PADI6: variants seen among roughly 807,000 people sequenced by gnomAD.
PADI6 encodes the protein peptidyl arginine deiminase 6, also known as inactive protein-arginine deiminase type-6.
PADI6 carries 66 observed loss-of-function variants against 78.2 expected under a neutral mutation model. The observed-to-expected ratio is 0.84, with a 90% CI of 0.69 to 1.04. PADI6 has a LOEUF of 1.04. Among genes scored for constraint, PADI6 ranks in the 50% least tolerant of loss-of-function variants. PADI6 has a pLI of 0.00. For missense variants in PADI6, 854 were observed against 866.1 expected (o/e 0.99, Z 0.18); for synonymous variants, 397 against 346.9 (o/e 1.14, Z -1.60).
At chr1:17,378,643 C>T (rs115169962) in intron 3 of PADI6, among the ~76,000 whole-genome samples, 2,420 of 152,232 alleles carry the variant, frequency 0.016, 72 homozygotes, top group African/African-American at 0.055. Context: ...ATTACTCTGT[C>T]ACCCAGGCTG....
chr1:17,373,260 G>A (rs376699786), intron 2 of PADI6, 27 bp downstream of exon 2: 6 of 1,609,338 alleles, frequency 3.7e-6, no homozygotes, highest in Non-Finnish European at 5.1e-6. Flanking sequence ...GAGGTGAGGG[G>A]CATCTCCCGG....
At chr1:17,392,846 G>T (rs1396024971) in intron 9 of PADI6, among the ~76,000 whole-genome samples, 1 of 152,124 alleles carries the variant, frequency 6.6e-6, no homozygotes, top group Non-Finnish European at 1.5e-5. Flanking sequence ...TTGGGGCAGG[G>T]GTGGCCAGGA....
rs576049284 is a variant in PADI6, at chr1:17,379,253, ACAGG to A, written c.368-665_368-662del. Among the ~76,000 whole-genome samples the A allele has an allele frequency of 6.2e-3, 919 of 148,570 alleles. 50 individuals are homozygous for A. Among genetic ancestry groups the A allele is most frequent in the African/African-American group, 0.022 (839 of 38,536 alleles). ...CTCAGCCTCCCGAGAAGCTGGGACT[ACAGG>A]CGCCCGCCACCTCGCCCGGCTAATT... On this transcript the variant is annotated intron_variant, in intron 3 of 15. Coordinates refer to ENST00000619609, the MANE Select transcript of PADI6 (RefSeq NM_207421.4).
At chr1:17,378,814 A>G (rs756317738) in intron 3 of PADI6, among the ~76,000 whole-genome samples, 5 of 152,162 alleles carry the variant, frequency 3.3e-5, no homozygotes, top group African/African-American at 4.8e-5. Context: ...CATGTTGCTC[A>G]GTCTGGTCTT....
Position 17,401,647 on chromosome 1 carries a change from C to T in PADI6, c.*209C>T, listed in dbSNP as rs1239443845. The T allele has an allele frequency of 3.4e-6, 2 of 579,988 alleles. No homozygotes were observed. The highest frequency in any genetic ancestry group is 6.1e-6 in the Non-Finnish European group (2 of 326,906). The allele number at this position is 579,988 out of a possible 1,614,324, so 35.9% of individuals were successfully genotyped here. ...TATGGGGAAAAGATGCAAAAGTGTT[C>T]AGCCAAGTGACGTTTACTAAATAGC... is the stretch of plus-strand genomic sequence containing the variant. On this transcript the variant is annotated 3_prime_UTR_variant, in exon 16 of 16. Coordinates refer to ENST00000619609, the MANE Select transcript of PADI6 (RefSeq NM_207421.4).
chr1:17,388,520 C>G lies in PADI6; in HGVS notation c.819C>G (p.Ile273Met), dbSNP rs200922673. The G allele has an allele frequency of 9.1e-4, 1,470 of 1,613,324 alleles. 2 individuals are homozygous for G. The highest frequency in any genetic ancestry group is 1.1e-3 in the Non-Finnish European group (1,321 of 1,179,332). Residue 273 changes from isoleucine (I) to methionine (M), a missense_variant, in exon 7 of 16, where the codon ATC (isoleucine) becomes ATG (methionine). By Grantham distance (10) the Ile-to-Met change is conservative. Transcript: ENST00000619609. ...AFPSAEFSGL[I>M]SYSVSLVEES... Reference sequence around the variant, plus strand: ...CATCTGCCGAATTCTCAGGCCTCATCTCCTACTCTGTGTCCCTGGTGGAGG... The same window carrying G: ...CATCTGCCGAATTCTCAGGCCTCATGTCCTACTCTGTGTCCCTGGTGGAGG...
chr1:17,391,658 T>C (rs1194958845), intron 8 of PADI6, among the ~76,000 whole-genome samples: 2 of 152,096 alleles, frequency 1.3e-5, no homozygotes, highest in South Asian at 2.1e-4. Flanking sequence ...ACGCCACACA[T>C]ATAAAAATGA....
intron 14 of PADI6, 130 bp from the exon 15 acceptor site, chr1:17,398,556 C>T: frequency 1.6e-6 from 1 of 610,334 alleles, no homozygotes; most frequent in South Asian, 2.0e-5. Flanking sequence ...TCCTGGCACA[C>T]AGCAAGTGAT....
At chr1:17,396,103 G>GGGCTGGGCATGGTGGCTCACACC in intron 13 of PADI6, among the ~76,000 whole-genome samples, 1 of 152,134 alleles carries the variant, frequency 6.6e-6, no homozygotes, top group East Asian at 1.9e-4. Context: ...CTGTGGGAGT[G>GGGCTGGGCATGGTGGCTCACACC]GGCTGGGCAT....
At chr1:17,391,905 A>C (rs1287283093) in intron 8 of PADI6, among the ~76,000 whole-genome samples, 2 of 152,246 alleles carry the variant, frequency 1.3e-5, no homozygotes, top group African/African-American at 4.8e-5. Flanking sequence ...TGGCTCTGCC[A>C]TGGGCAAAGC....
At chr1:17,399,057 G>A (rs1301591119) in intron 15 of PADI6, among the ~76,000 whole-genome samples, 1 of 152,154 alleles carries the variant, frequency 6.6e-6, no homozygotes, top group East Asian at 1.9e-4. Context: ...AGGTTCCCCA[G>A]GCAGTTACTA....
chr1:17,389,807 G>A lies in PADI6; in HGVS notation c.962+927G>A, dbSNP rs111590625. ...GACACAGCATGGCTCAAGCCAGGGT[G>A]GCAGGAGCAGCCTTTAGTTGGGATT... On this transcript the variant is annotated intron_variant, in intron 8 of 15. Transcript: ENST00000619609. 2.2e-4 allele frequency among the ~76,000 whole-genome samples: 33 copies of A among 152,344 alleles called. 2 individuals are homozygous for A. The highest frequency in any genetic ancestry group is 7.9e-4 in the African/African-American group (33 of 41,590).
intron 5 of PADI6, among the ~76,000 whole-genome samples, chr1:17,381,436 T>G (rs12028068): frequency 0.13 from 19,054 of 152,198 alleles, 1,487 homozygotes; most frequent in East Asian, 0.29. Flanking sequence ...TTTCCCTATT[T>G]GTAAAATGGG....
At chr1:17,390,078 CA>C (rs2075167236) in intron 8 of PADI6, among the ~76,000 whole-genome samples, 1 of 152,134 alleles carries the variant, frequency 6.6e-6, no homozygotes, top group Non-Finnish European at 1.5e-5. Flanking sequence ...GCAGGAGGAT[CA>C]CCTGAGGGTC....
At chr1:17,379,798 C>T (rs1379559094) in intron 3 of PADI6, 122 bp from the exon 4 acceptor site, 1 of 749,128 alleles carries the variant, frequency 1.3e-6, no homozygotes, top group African/African-American at 1.8e-5. Flanking sequence ...AAGCTGATAG[C>T]ATGCCAGAAA....
intron 10 of PADI6, 65 bp from the exon 11 acceptor site, chr1:17,394,235 G>T (rs2075222792): frequency 3.1e-6 from 5 of 1,588,976 alleles, no homozygotes; most frequent in Admixed American, 1.7e-5. Context: ...TGGATTTAGG[G>T]ATAAGACTGG....
At chr1:17,386,222 G>A (rs2100303819) in intron 6 of PADI6, among the ~76,000 whole-genome samples, 1 of 152,324 alleles carries the variant, frequency 6.6e-6, no homozygotes, top group African/African-American at 2.4e-5. Context: ...CTGCTTCAAA[G>A]GGTCCTGAGG....
chr1:17,388,407 G>GT lies in PADI6; in HGVS notation c.707dup (p.Leu237AlafsTer24), dbSNP rs1275059440. ...AGACAACTCCAGTACCTTTGAGTTG[G>GT]TGCTGGGGCCCGACCAGCACGCCTA... On this transcript the variant is annotated frameshift_variant, in exon 7 of 16. Coordinates refer to ENST00000619609, the MANE Select transcript of PADI6 (RefSeq NM_207421.4). LOFTEE classifies it high-confidence loss of function. 2 of 1,613,296 alleles carry GT rather than the reference G, an allele frequency of 1.2e-6. No individual in the cohort carries two copies. The highest frequency in any genetic ancestry group is 4.5e-5 in the East Asian group (2 of 44,876).
At position 17,395,564 on chromosome 1, in the gene PADI6, C is replaced by G; in HGVS notation, c.1519C>G (p.Pro507Ala). The change falls in exon 13 of 16, where the codon CCC (proline) becomes GCC (alanine). Residue 507 changes from proline to alanine, a missense_variant. Physicochemically the swap from Pro to Ala is conservative, Grantham distance 27. Coordinates refer to ENST00000619609, the MANE Select transcript of PADI6 (RefSeq NM_207421.4). Reference sequence around the variant, plus strand: ...GGGCTTCCTGCTGCTCCTGGCCAGCCCCAGTGCCTGCTATAAACTGTTCCG... The same window carrying G: ...GGGCTTCCTGCTGCTCCTGGCCAGCGCCAGTGCCTGCTATAAACTGTTCCG... Reference protein sequence around the residue: ...KKGFLLLLASPSACYKLFREK... With the variant: ...KKGFLLLLASASACYKLFREK... The G allele has an allele frequency of 1.4e-5, 22 of 1,562,276 alleles. No individual in the cohort carries two copies. Among genetic ancestry groups the G allele is most frequent in the Non-Finnish European group, 1.8e-5 (21 of 1,152,738 alleles).
Sources: gnomAD v4.1 joint callset for allele counts (sites outside exome capture counted in the v4.1 genomes callset) on GRCh38, gnomAD v4.1.1 for gene constraint, MANE v1.5 for transcripts, NCBI Gene and HGNC (gene_info 2026-07-23, HGNC 2026-07-21) for gene names.